The following YJU2 variants were observed in gnomAD, a reference collection of about 807,000 sequenced individuals.
YJU2 encodes YJU2 splicing factor homolog, also known as splicing factor YJU2.
Under a neutral mutation model 39.6 loss-of-function variants are expected in YJU2, and 28 were observed. The observed-to-expected ratio is 0.71, with a 90% confidence interval of 0.52 to 0.97. The LOEUF is 0.97. Ranked by LOEUF, YJU2 falls within the 50% of genes least tolerant of loss-of-function variation. The probability of loss-of-function intolerance (pLI) is 0.00; values close to 1 mark genes in which losing one functional copy is unlikely to be tolerated. For missense variants in YJU2, 328 were observed against 430.4 expected (o/e 0.76, Z 2.11); for synonymous variants, 184 against 182.4 (o/e 1.01, Z -0.07).
intron 4 of YJU2, among the ~76,000 whole-genome samples, chr19:4,256,526 G>C (rs573678311): frequency 1.3e-5 from 2 of 152,152 alleles, no homozygotes; most frequent in Non-Finnish European, 2.9e-5. Flanking sequence ...CTCTTACCCT[G>C]GTGTTAGTCA....
chr19:4,260,768 C>G (rs970843242), intron 5 of YJU2, among the ~76,000 whole-genome samples: 4 of 151,930 alleles, frequency 2.6e-5, no homozygotes, highest in African/African-American at 7.2e-5. Context: ...CCCCTTTAAT[C>G]TGTTTTATGT....
chr19:4,256,179 AAAATATATATATATATAT>A (rs1971018371), intron 4 of YJU2, among the ~76,000 whole-genome samples: 1 of 97,274 alleles, frequency 1.0e-5, no homozygotes, highest in Non-Finnish European at 1.9e-5. Context: ...CAAAAAAAAA[AAAATATATATATATATAT>A]ATATATATAT....
intron 1 of YJU2, among the ~76,000 whole-genome samples, chr19:4,247,580 CGCGTGTGTGTGTGTGTGTGTGTGTGTGT>C (rs1970932575): frequency 2.2e-5 from 1 of 46,238 alleles, no homozygotes; most frequent in African/African-American, 1.3e-4. Flanking sequence ...GGTGGGGTGG[CGCGTGTGTGTGTGTGTGTGTGTGTGTGT>C]GTGTGTGTGT....
At chr19:4,266,379 C>T (rs1971115448) in intron 6 of YJU2, among the ~76,000 whole-genome samples, 1 of 152,166 alleles carries the variant, frequency 6.6e-6, no homozygotes, top group South Asian at 2.1e-4. Flanking sequence ...TCCTGAATCA[C>T]ACTGTGGCTT....
At position 4,267,479 on chromosome 19, in the gene YJU2, A is replaced by G. The variant is rs117184884; in HGVS notation, c.709-145A>G. 2,778 of 814,658 alleles carry G rather than the reference A, an allele frequency of 3.4e-3. 8 individuals carry two copies. Among genetic ancestry groups the G allele is most frequent in the Non-Finnish European group, 4.5e-3 (2,346 of 516,020 alleles). The allele number at this position is 814,658 out of a possible 1,614,324, so 50.5% of individuals were successfully genotyped here. A position where few individuals can be genotyped will look rare whatever the true frequency, so the allele number is the denominator to read the frequency against. ...GCCAAGCCTAGGGCAGTGGGGAGCC[A>G]TAGAGGAGTTTAGAGCAGAGGAGGA... On this transcript the variant is annotated intron_variant, in intron 6 of 7. Transcript: ENST00000262962.
At chr19:4,256,215 C>G (rs1971019888) in intron 4 of YJU2, among the ~76,000 whole-genome samples, 2 of 148,034 alleles carry the variant, frequency 1.4e-5, no homozygotes, top group South Asian at 4.2e-4. Context: ...TATGTACACA[C>G]ACATATACAT....
chr19:4,256,181 A>AAATATAT lies in YJU2; in HGVS notation c.405+1693_405+1694insATATATA, dbSNP rs1001505791. Among the ~76,000 whole-genome samples, 30 of 125,890 alleles carry AAATATAT rather than the reference A, an allele frequency of 2.4e-4. 1 individual carries two copies. Among genetic ancestry groups the AAATATAT allele is most frequent in the African/African-American group, 9.0e-4 (29 of 32,142 alleles). 82.6% of individuals were successfully genotyped at this position (125,890 alleles called of 152,430 possible). ...AGCAAGACTGTCGCAAAAAAAAAAA[A>AAATATAT]ATATATATATATATATATATATATA... On this transcript the variant is annotated intron_variant, in intron 4 of 7. Coordinates refer to ENST00000262962, the MANE Select transcript of YJU2 (RefSeq NM_018074.6).
rs1704510556 is a variant in YJU2, at chr19:4,252,285, C to T, written c.270+1114C>T. On this transcript the variant is annotated intron_variant, in intron 3 of 7. Transcript: ENST00000262962. ...GACCAGCCTGGACAACATGATGAAA[C>T]CCCAACTCTACTAAAAAAAAATACA... 1.4e-5 allele frequency among the ~76,000 whole-genome samples: 2 copies of T among 140,216 alleles called. 1 individual carries two copies. The highest frequency in any genetic ancestry group is 4.7e-4 in the South Asian group (2 of 4,280). 92.0% of individuals were successfully genotyped at this position (140,216 alleles called of 152,430 possible). A position where few individuals can be genotyped will look rare whatever the true frequency, so the allele number is the denominator to read the frequency against.
chr19:4,267,717 A>G lies in YJU2; in HGVS notation c.802A>G (p.Lys268Glu), dbSNP rs1310781347. 1.2e-6 allele frequency: 2 copies of G among 1,613,188 alleles called. No individual in the cohort carries two copies. The highest frequency in any genetic ancestry group is 1.7e-4 in the Middle Eastern group (1 of 6,042). ...PPLSRLVVVK[K>E]AKADPDCSNG... Reference sequence around the variant, plus strand: ...GCTGTCGAGGCTGGTCGTGGTGAAGAAGGCAAAGGCCGACCCGGACTGCAG... The same window carrying G: ...GCTGTCGAGGCTGGTCGTGGTGAAGGAGGCAAAGGCCGACCCGGACTGCAG... The change falls in exon 7 of 8, where the codon AAG becomes GAG. Residue 268 changes from lysine to glutamate, a missense_variant. This residue lies in a region of YJU2 where 244 missense variants were observed against 264.6 expected (regional missense o/e 0.92). Coordinates refer to ENST00000262962, the MANE Select transcript of YJU2 (RefSeq NM_018074.6).
chr19:4,261,915 C>G, intron 5 of YJU2, 79 bp from the exon 6 acceptor site: 2 of 1,517,002 alleles, frequency 1.3e-6, no homozygotes, highest in South Asian at 1.2e-5. Flanking sequence ...CACCCAGGCC[C>G]CTCGCCACCC....
rs1250666624 is a variant in YJU2, at chr19:4,247,571, GTGGGGTGGCGC to G, written c.24+402_24+412del. Among the ~76,000 whole-genome samples, 147 of 89,462 alleles carry G rather than the reference GTGGGGTGGCGC, an allele frequency of 1.6e-3. 12 individuals carry two copies. The highest frequency in any genetic ancestry group is 0.012 in the African/African-American group (136 of 11,174). 58.7% of individuals were successfully genotyped at this position (89,462 alleles called of 152,430 possible). On this transcript the variant is annotated intron_variant, in intron 1 of 7. Transcript: ENST00000262962. ...AATCGTGTACTTTGGGTGGGGTGGG[GTGGGGTGGCGC>G]GTGTGTGTGTGTGTGTGTGTGTGTG...
At position 4,268,642 on chromosome 19, in the gene YJU2, C is replaced by A; in HGVS notation, c.918C>A (p.Ser306=). ...CACCCCTGACGCCTGGCGCGTCCTC[C>A]CTGAGCCAACTGGGTGCATACCTGG... The part of the protein sequence containing the change: ...NPTPLTPGAS[S]LSQLGAYLDS... Residue 306 remains serine (S), a synonymous_variant, in exon 8 of 8, where the codon TCC becomes TCA. Coordinates refer to ENST00000262962, the MANE Select transcript of YJU2 (RefSeq NM_018074.6). 6.2e-7 allele frequency: 1 copy of A among 1,613,980 alleles called. No homozygotes were observed.
At chr19:4,259,314 C>G (rs982229211) in intron 5 of YJU2, among the ~76,000 whole-genome samples, 1 of 151,810 alleles carries the variant, frequency 6.6e-6, no homozygotes, top group African/African-American at 2.4e-5. Context: ...CTCCTGACCT[C>G]GTGATCCGCC....
At position 4,267,734 on chromosome 19, in the gene YJU2, G is replaced by A. The variant is rs369745078; in HGVS notation, c.819G>A (p.Pro273=). ...TGGTGAAGAAGGCAAAGGCCGACCC[G>A]GACTGCAGCAACGGGCAGCCTCAGG... ...LVVVKKAKAD[P]DCSNGQPQAA... is the part of the protein sequence containing the mutation. Residue 273 remains proline (P), a synonymous_variant, in exon 7 of 8, where the codon CCG becomes CCA. Transcript: ENST00000262962. The A allele has an allele frequency of 5.0e-6, 8 of 1,612,816 alleles. No individual in the cohort carries two copies. The highest frequency in any genetic ancestry group is 1.1e-5 in the South Asian group (1 of 91,068).
rs1417765741 is a variant in YJU2 at position 4,261,992 on chromosome 19, A to G, written c.588-2A>G. 1 of 1,612,820 alleles carries G rather than the reference A, an allele frequency of 6.2e-7. No individual in the cohort carries two copies. Among genetic ancestry groups the G allele is most frequent in the South Asian group, 1.1e-5 (1 of 91,064 alleles). On this transcript the variant is annotated splice_acceptor_variant, in intron 5 of 7. Transcript: ENST00000262962. LOFTEE classifies it high-confidence loss of function. Reference sequence around the variant, plus strand: ...TCCAAGTTCCCATCTTCCATCCCACAGGGCCCTGTTGGAGGAAGCCAGAAA... The same window carrying G: ...TCCAAGTTCCCATCTTCCATCCCACGGGGCCCTGTTGGAGGAAGCCAGAAA...
At chr19:4,257,790 A>T (rs1391729009) in intron 4 of YJU2, among the ~76,000 whole-genome samples, 1 of 152,012 alleles carries the variant, frequency 6.6e-6, no homozygotes, top group Non-Finnish European at 1.5e-5. Context: ...TTTAGTAGAG[A>T]CAGGGTTTCA....
chr19:4,267,532 G>T, intron 6 of YJU2, 92 bp from the exon 7 acceptor site: 1 of 1,324,322 alleles, frequency 7.6e-7, no homozygotes, highest in East Asian at 2.3e-5. Context: ...GTGGAAGAGT[G>T]GGCATGGGGC....
intron 5 of YJU2, among the ~76,000 whole-genome samples, chr19:4,259,271 G>A (rs1385214764): frequency 1.3e-5 from 2 of 151,782 alleles, no homozygotes; most frequent in Admixed American, 1.3e-4. Context: ...AGTAGAGATG[G>A]GGTTTCACCG....
rs1337441109 is a variant in YJU2, at chr19:4,261,916, C to T, written c.588-78C>T. On this transcript the variant is annotated intron_variant, in intron 5 of 7. Transcript: ENST00000262962. ...AAGAGGTCTCCAGGCACCCAGGCCC[C>T]TCGCCACCCCAGCAGGTACATCCCA... 7 of 1,526,582 alleles carry T rather than the reference C, an allele frequency of 4.6e-6. No homozygotes were observed. In the East Asian group the frequency reaches 1.4e-4, roughly 30 times the overall value. 94.6% of individuals were successfully genotyped at this position (1,526,582 alleles called of 1,614,324 possible). A position where few individuals can be genotyped will look rare whatever the true frequency, so the allele number is the denominator to read the frequency against.
Sources: gnomAD v4.1 joint callset for allele counts (sites outside exome capture counted in the v4.1 genomes callset) on GRCh38, gnomAD v4.1.1 for gene constraint, gnomAD v4.1.1 regional missense constraint, MANE v1.5 for transcripts, NCBI Gene and HGNC (gene_info 2026-07-23, HGNC 2026-07-21) for gene names.